Variants in WDR19 observed in about 807,000 individuals in gnomAD.
WDR19 encodes WD repeat domain 19.
In WDR19, 121 loss-of-function variants were observed where a neutral mutation model predicts 180.0. That is an observed-to-expected ratio of 0.67 (90% CI 0.58 to 0.78). WDR19 has a LOEUF of 0.78. Among genes scored for constraint, WDR19 ranks in the 30% least tolerant of loss-of-function variants. The pLI, the probability that WDR19 is intolerant of heterozygous loss-of-function variation, is 0.00. For missense variants in WDR19, 1,450 were observed against 1,640.7 expected, an observed-to-expected ratio of 0.88 and a Z score of 2.01; for synonymous variants, 497 against 540.7, an observed-to-expected ratio of 0.92 and a Z score of 1.12.
rs76599296 is a variant in WDR19, at chr4:39,215,909, C to G, written c.1030C>G (p.His344Asp). 1.2e-4 allele frequency: 196 copies of G among 1,613,848 alleles called. 1 individual carries two copies. In the African/African-American group the frequency reaches 2.3e-3, roughly 19 times the overall value. Residue 344 changes from histidine (H) to aspartate (D), a missense_variant, in exon 11 of 37, where the codon CAT becomes GAT. Coordinates refer to ENST00000399820, the MANE Select transcript of WDR19 (RefSeq NM_025132.4). ...LALSTQRGSL[H>D]VFLTKLPILG... Reference sequence around the variant, plus strand: ...ACTCTCTACCCAAAGGGGCTCACTTCATGTTTTCCTGACCAAGCTTCCCAT... The same window carrying G: ...ACTCTCTACCCAAAGGGGCTCACTTGATGTTTTCCTGACCAAGCTTCCCAT...
At chr4:39,217,335 A>G in intron 13 of WDR19, 95 bp downstream of exon 13, 3 of 1,024,302 alleles carry the variant, frequency 2.9e-6, no homozygotes, top group Non-Finnish European at 4.4e-6. Flanking sequence ...GCAAGGATGT[A>G]CAGACTAACT....
intron 21 of WDR19, among the ~76,000 whole-genome samples, chr4:39,240,710 G>C (rs774188564): frequency 2.7e-4 from 41 of 152,144 alleles, no homozygotes; most frequent in Middle Eastern, 3.4e-3. Context: ...CTAGCACTTT[G>C]GGAGGCCAAG....
chr4:39,276,364 G>A (rs549498287), intron 33 of WDR19, among the ~76,000 whole-genome samples: 2 of 152,252 alleles, frequency 1.3e-5, no homozygotes, highest in South Asian at 2.1e-4. Flanking sequence ...GCAAGATCAT[G>A]TTTACCCCAA....
chr4:39,252,269 A>G (rs572331942), intron 24 of WDR19, among the ~76,000 whole-genome samples: 259 of 150,406 alleles, frequency 1.7e-3, no homozygotes, highest in Non-Finnish European at 1.5e-3. Flanking sequence ...CAAAAAACCA[A>G]ATACCTCATG....
chr4:39,263,203 T>C (rs1734470301), intron 28 of WDR19, among the ~76,000 whole-genome samples: 1 of 151,902 alleles, frequency 6.6e-6, no homozygotes, highest in South Asian at 2.1e-4. Context: ...CTCAGGTGAG[T>C]TGGGAGAGTC....
intron 24 of WDR19, among the ~76,000 whole-genome samples, chr4:39,247,021 G>A (rs963286191): frequency 2.6e-4 from 40 of 152,338 alleles, no homozygotes; most frequent in Admixed American, 2.0e-3. Flanking sequence ...CTCCCAGCAC[G>A]CAGCTTGAGA....
intron 33 of WDR19, 119 bp downstream of exon 33, chr4:39,275,077 C>T: frequency 8.0e-7 from 1 of 1,252,438 alleles, no homozygotes; most frequent in Non-Finnish European, 1.1e-6. Flanking sequence ...CAGTGGCTCA[C>T]ACCTATAATC....
At chr4:39,194,427 T>C in intron 4 of WDR19, 117 bp from the exon 5 acceptor site, 1 of 592,764 alleles carries the variant, frequency 1.7e-6, no homozygotes, top group Non-Finnish European at 2.9e-6. Flanking sequence ...CATTAAGTTG[T>C]ATTTTGTACT....
intron 14 of WDR19, among the ~76,000 whole-genome samples, chr4:39,224,384 A>G (rs956810455): frequency 3.3e-5 from 5 of 151,610 alleles, no homozygotes; most frequent in African/African-American, 1.2e-4. Flanking sequence ...TTTATTTTTT[A>G]TTTTTTATTT....
rs1245638655 is a variant in WDR19 at position 39,273,056 on chromosome 4, C to T, written c.3560C>T (p.Pro1187Leu). 3.7e-6 allele frequency: 6 copies of T among 1,602,320 alleles called. No individual in the cohort carries two copies. The highest frequency in any genetic ancestry group is 5.1e-6 in the Non-Finnish European group (6 of 1,174,488). Residue 1187 changes from proline (P) to leucine (L), a missense_variant, in exon 32 of 37, where the codon CCA becomes CTA. Pro to Leu is a moderately conservative substitution (Grantham distance 98). Coordinates refer to ENST00000399820, the MANE Select transcript of WDR19 (RefSeq NM_025132.4). ...IRVANNISKF[P>L]SHIVPILTST... ...GTGGCCAACAACATCAGCAAATTTC[C>T]ATCACGTAAGTACCACTGACCAGAG...
chr4:39,257,415 G>C, intron 27 of WDR19, 71 bp from the exon 28 acceptor site: 1 of 1,366,322 alleles, frequency 7.3e-7, no homozygotes, highest in Non-Finnish European at 1.0e-6. Flanking sequence ...TGTTAAAGCT[G>C]TGTGAAAGCT....
intron 5 of WDR19, among the ~76,000 whole-genome samples, chr4:39,195,903 A>AT (rs1317192572): frequency 6.6e-6 from 1 of 152,198 alleles, no homozygotes; most frequent in African/African-American, 2.4e-5. Context: ...GTTAAACTAA[A>AT]TTTTTTTAAG....
At chr4:39,206,686 AT>A (rs936439632) in intron 9 of WDR19, among the ~76,000 whole-genome samples, 1 of 152,236 alleles carries the variant, frequency 6.6e-6, no homozygotes, top group African/African-American at 2.4e-5. Context: ...GTATAGACTT[AT>A]CCTAAACATA....
Position 39,228,702 on chromosome 4 carries a change from C to A in WDR19, c.1982+12C>A, listed in dbSNP as rs1577934666. 1 of 1,527,294 alleles carries A rather than the reference C, an allele frequency of 6.5e-7. No homozygotes were observed. Among genetic ancestry groups the A allele is most frequent in the Non-Finnish European group, 8.8e-7 (1 of 1,136,968 alleles). The allele number at this position is 1,527,294 out of a possible 1,614,324, so 94.6% of individuals were successfully genotyped here. On this transcript the variant is annotated intron_variant, in intron 17 of 36. Transcript: ENST00000399820. ...TTAATGCTAAAGAGGTAGGCTTTCA[C>A]ACACTTCTTTTGGAACTTCTCATTT...
intron 32 of WDR19, chr4:39,274,072 T>C (rs1735660325): frequency 6.6e-6 from 1 of 152,226 alleles, no homozygotes; most frequent in Non-Finnish European, 1.5e-5. Flanking sequence ...TGGACACAAA[T>C]GTTAACCACA....
chr4:39,230,181 T>G (rs949148289), intron 17 of WDR19, among the ~76,000 whole-genome samples: 9 of 152,194 alleles, frequency 5.9e-5, no homozygotes, highest in Admixed American at 2.6e-4. Flanking sequence ...ACTTCATGAT[T>G]TAACACCAGC....
intron 26 of WDR19, 122 bp from the exon 27 acceptor site, chr4:39,255,726 A>C (rs1733680399): frequency 2.0e-6 from 1 of 488,574 alleles, no homozygotes; most frequent in African/African-American, 2.0e-5. Flanking sequence ...GACATTAATA[A>C]TTACATTGAT....
intron 13 of WDR19, among the ~76,000 whole-genome samples, chr4:39,217,777 T>C (rs546050575): frequency 6.6e-6 from 1 of 152,280 alleles, no homozygotes; most frequent in South Asian, 2.1e-4. Context: ...GAGCCTGCAG[T>C]AAAGACTGTT....
intron 4 of WDR19, 107 bp downstream of exon 4, chr4:39,189,888 G>C (rs965632095): frequency 8.2e-7 from 1 of 1,216,164 alleles, no homozygotes; most frequent in Non-Finnish European, 1.1e-6. Flanking sequence ...TCCTCAATGA[G>C]TTATTTTCAT....
Sources: allele counts gnomAD v4.1 joint callset (sites outside exome capture counted in the v4.1 genomes callset), GRCh38; gene constraint gnomAD v4.1.1; transcripts MANE v1.5; gene names NCBI Gene and HGNC (gene_info 2026-07-23, HGNC 2026-07-21).